ZBTB7C: variants seen among roughly 807,000 people sequenced by gnomAD.
ZBTB7C encodes the protein zinc finger and BTB domain containing 7C.
In ZBTB7C, 8 loss-of-function variants were observed where a neutral mutation model predicts 25.7. The ratio of observed to expected loss-of-function variants is 0.31; its 90% CI spans 0.18 to 0.56. The LOEUF is 0.56. Among genes scored for constraint, ZBTB7C ranks in the 20% least tolerant of loss-of-function variants. The probability of loss-of-function intolerance (pLI) is 0.91; values close to 1 mark genes in which losing one functional copy is unlikely to be tolerated. For synonymous variants in ZBTB7C, 394 were observed against 369.0 expected, an observed-to-expected ratio of 1.07 and a Z score of -0.78; for missense variants, 824 against 855.2, an observed-to-expected ratio of 0.96 and a Z score of 0.46.
intron 1 of ZBTB7C, among the ~76,000 whole-genome samples, chr18:48,342,341 G>A (rs924776877): frequency 6.6e-6 from 1 of 152,226 alleles, no homozygotes; most frequent in Non-Finnish European, 1.5e-5. Flanking sequence ...TTCTAAATAT[G>A]AGCTTGGCAC....
At chr18:48,128,864 T>C (rs1598932582) in intron 3 of ZBTB7C, among the ~76,000 whole-genome samples, 1 of 52,182 alleles carries the variant, frequency 1.9e-5, no homozygotes, top group Non-Finnish European at 6.0e-5. Context: ...TTGAAATAAA[T>C]TTTTTTTTTT....
chr18:48,355,125 C>G (rs528849402), intron 1 of ZBTB7C, among the ~76,000 whole-genome samples: 1 of 152,306 alleles, frequency 6.6e-6, no homozygotes, highest in East Asian at 1.9e-4. Flanking sequence ...ACAGTGCATT[C>G]AGGTTAGTTA....
chr18:48,160,111 A>G (rs1432696253), intron 3 of ZBTB7C, among the ~76,000 whole-genome samples: 1 of 152,200 alleles, frequency 6.6e-6, no homozygotes, highest in Non-Finnish European at 1.5e-5. Flanking sequence ...CTCCCGCACA[A>G]TGACTGGGCT....
intron 1 of ZBTB7C, among the ~76,000 whole-genome samples, chr18:48,356,603 C>A (rs1278945792): frequency 1.3e-5 from 2 of 152,156 alleles, no homozygotes; most frequent in African/African-American, 2.4e-5. Flanking sequence ...TCTCCTAGGG[C>A]AGAAGTGAGT....
At chr18:48,218,284 G>A (rs74439138) in intron 2 of ZBTB7C, among the ~76,000 whole-genome samples, 2,715 of 152,310 alleles carry the variant, frequency 0.018, 85 homozygotes, top group African/African-American at 0.062. Context: ...GCTGCAAAGG[G>A]CCGCTGAATC....
intron 1 of ZBTB7C, among the ~76,000 whole-genome samples, chr18:48,360,489 T>A (rs2047079400): frequency 6.6e-6 from 1 of 152,088 alleles, no homozygotes; most frequent in South Asian, 2.1e-4. Flanking sequence ...GAGAGGAGCG[T>A]GGGAAGAGAT....
chr18:48,148,851 A>G (rs1168179119), intron 3 of ZBTB7C: 1 of 152,242 alleles, frequency 6.6e-6, no homozygotes, highest in Non-Finnish European at 1.5e-5. Flanking sequence ...CTTATTTTGT[A>G]AAGAAGAATC....
At chr18:48,370,027 T>G (rs2047349316) in intron 1 of ZBTB7C, among the ~76,000 whole-genome samples, 1 of 152,104 alleles carries the variant, frequency 6.6e-6, no homozygotes, top group Non-Finnish European at 1.5e-5. Context: ...TGAAAAAAAT[T>G]AAAATTATAC....
intron 2 of ZBTB7C, among the ~76,000 whole-genome samples, chr18:48,307,914 T>C (rs1182902409): frequency 6.6e-6 from 1 of 152,220 alleles, no homozygotes; most frequent in Non-Finnish European, 1.5e-5. Flanking sequence ...CAGGTATCTC[T>C]TTATGCAATG....
chr18:48,138,522 AC>A (rs2040243465), intron 3 of ZBTB7C, among the ~76,000 whole-genome samples: 1 of 152,128 alleles, frequency 6.6e-6, no homozygotes, highest in African/African-American at 2.4e-5. Flanking sequence ...CATCTGTCAA[AC>A]CCTCCATGCT....
intron 1 of ZBTB7C, among the ~76,000 whole-genome samples, chr18:48,355,183 G>A (rs2046949697): frequency 1.3e-5 from 2 of 152,294 alleles, no homozygotes; most frequent in South Asian, 4.2e-4. Flanking sequence ...CTCTTGGAGA[G>A]GGCGGTATTT....
At chr18:48,219,826 G>A (rs1312146987) in intron 2 of ZBTB7C, among the ~76,000 whole-genome samples, 1 of 152,164 alleles carries the variant, frequency 6.6e-6, no homozygotes, top group Non-Finnish European at 1.5e-5. Flanking sequence ...TTGGGTAACT[G>A]GTGTCAGAGC....
Position 48,040,994 on chromosome 18 carries a change from C to G in ZBTB7C, c.114G>C (p.Leu38=). 1 of 1,614,168 alleles carries G rather than the reference C, an allele frequency of 6.2e-7. No homozygotes were observed. Among genetic ancestry groups the G allele is most frequent in the African/African-American group, 1.3e-5 (1 of 75,058 alleles). ...TCCGATACTCCTGCTCCTGCACCAC[C>G]AGGAGCACGTCACACAGCAGGCCAT... ...RHDGLLCDVL[L]VVQEQEYRTH... Residue 38 remains leucine (L), a synonymous_variant, in exon 4 of 5, where the codon CTG becomes CTC. Transcript: ENST00000590800.
chr18:48,205,568 C>A (rs1226596019), intron 2 of ZBTB7C, among the ~76,000 whole-genome samples: 2 of 151,894 alleles, frequency 1.3e-5, no homozygotes, highest in East Asian at 3.9e-4. Context: ...ACTATTGATT[C>A]TTTCAATTAA....
In ZBTB7C at chr18:48,058,895, G is replaced by A. The variant is rs188137260; in HGVS notation, c.-16-17772C>T. 2.4e-3 allele frequency among the ~76,000 whole-genome samples: 372 copies of A among 152,224 alleles called. 1 individual carries two copies. Among genetic ancestry groups the A allele is most frequent in the Non-Finnish European group, 4.2e-3 (283 of 68,022 alleles). ...AGAGGGACTGAGGCCTCCCATCAAC[G>A]GCCAGCACAACTTGCCAGTGATGTG... On this transcript the variant is annotated intron_variant, in intron 3 of 4. Coordinates refer to ENST00000590800, the MANE Select transcript of ZBTB7C (RefSeq NM_001318841.2).
At chr18:48,097,382 GTTATTATTATTA>G (rs1555691088) in intron 3 of ZBTB7C, among the ~76,000 whole-genome samples, 287 of 144,974 alleles carry the variant, frequency 2.0e-3, no homozygotes, top group Non-Finnish European at 3.2e-3. Context: ...TATTGTTGTT[GTTATTATTATTA>G]TTATTATTAT....
At chr18:48,309,184 C>T (rs567992097) in intron 2 of ZBTB7C, among the ~76,000 whole-genome samples, 1 of 152,314 alleles carries the variant, frequency 6.6e-6, no homozygotes, top group African/African-American at 2.4e-5. Flanking sequence ...GGGCCAGAGT[C>T]CTGGAGATCA....
At chr18:48,354,560 G>C (rs563990996) in intron 1 of ZBTB7C, among the ~76,000 whole-genome samples, 124 of 152,206 alleles carry the variant, frequency 8.1e-4, no homozygotes, top group African/African-American at 2.9e-3. Context: ...ATGCCTTAAG[G>C]GGCATCAAGG....
intron 1 of ZBTB7C, among the ~76,000 whole-genome samples, chr18:48,368,013 C>T (rs1015828862): frequency 1.3e-5 from 2 of 151,730 alleles, no homozygotes; most frequent in Admixed American, 6.6e-5. Context: ...AGTACACAGC[C>T]TCAAAACACA....
Sources: gnomAD v4.1 joint callset for allele counts (sites outside exome capture counted in the v4.1 genomes callset) on GRCh38, gnomAD v4.1.1 for gene constraint, MANE v1.5 for transcripts, NCBI Gene and HGNC (gene_info 2026-07-23, HGNC 2026-07-21) for gene names.